The following USP54 variants were observed in gnomAD, a reference collection of about 807,000 sequenced individuals.
USP54 encodes ubiquitin carboxyl-terminal hydrolase 54.
Under a neutral mutation model 170.5 loss-of-function variants are expected in USP54, and 87 were observed. That is an observed-to-expected ratio of 0.51 (90% CI 0.43 to 0.61). The LOEUF (loss-of-function observed/expected upper bound fraction) is 0.61. USP54 is among the 20% of genes least tolerant of loss of function. USP54 has a pLI of 0.00. For missense variants in USP54, 1,786 were observed against 2,047.8 expected, an observed-to-expected ratio of 0.87 and a Z score of 2.47; for synonymous variants, 655 against 742.8, an observed-to-expected ratio of 0.88 and a Z score of 1.92.
At chr10:73,586,160 T>C (rs572870499) in intron 1 of USP54, among the ~76,000 whole-genome samples, 1 of 152,254 alleles carries the variant, frequency 6.6e-6, no homozygotes, top group African/African-American at 2.4e-5. Flanking sequence ...TCATCCATTA[T>C]GTGCCTCTCA....
At chr10:73,584,708 T>C (rs2077283026) in intron 1 of USP54, among the ~76,000 whole-genome samples, 1 of 152,176 alleles carries the variant, frequency 6.6e-6, no homozygotes, top group Non-Finnish European at 1.5e-5. Flanking sequence ...TTCCTTAAAA[T>C]AGGGGTTTAA....
intron 1 of USP54, among the ~76,000 whole-genome samples, chr10:73,580,686 C>T (rs1366929636): frequency 1.3e-5 from 2 of 152,150 alleles, no homozygotes; most frequent in African/African-American, 4.8e-5. Context: ...GATTTTCCTG[C>T]CTCAGCCTCC....
At chr10:73,571,820 G>A (rs1356009531) in intron 3 of USP54, among the ~76,000 whole-genome samples, 1 of 152,080 alleles carries the variant, frequency 6.6e-6, no homozygotes, top group African/African-American at 2.4e-5. Context: ...TGAAGAATAA[G>A]GATTTATATT....
intron 1 of USP54, among the ~76,000 whole-genome samples, chr10:73,578,155 T>TAAAGCAGTA (rs1439948083): frequency 6.6e-6 from 1 of 152,086 alleles, no homozygotes; most frequent in Admixed American, 6.6e-5. Context: ...TTATGTAGGG[T>TAAAGCAGTA]AAAGCAGTAA....
At position 73,599,049 on chromosome 10, in the gene USP54, A is replaced by C. The variant is rs543331528; in HGVS notation, c.-17-23374T>G. On this transcript the variant is annotated intron_variant, in intron 1 of 22. Transcript: ENST00000339859. Reference sequence around the variant, plus strand: ...AGCCGAGATCACGCCACTGCATTCCAGCCTGGGCAACAGAGCAAGACTCCG... The same window carrying C: ...AGCCGAGATCACGCCACTGCATTCCCGCCTGGGCAACAGAGCAAGACTCCG... Among the ~76,000 whole-genome samples the C allele has an allele frequency of 2.4e-4, 37 of 152,364 alleles. 2 individuals carry two copies. In the South Asian group the frequency reaches 7.7e-3, roughly 32 times the overall value.
intron 22 of USP54, 39 bp downstream of exon 22, chr10:73,504,811 G>A (rs371198485): frequency 2.5e-6 from 4 of 1,613,824 alleles, no homozygotes; most frequent in African/African-American, 2.7e-5. Context: ...TTAGCAAGGA[G>A]GAGGGTGCTC....
At chr10:73,583,563 G>A (rs2077132532) in intron 1 of USP54, among the ~76,000 whole-genome samples, 1 of 152,174 alleles carries the variant, frequency 6.6e-6, no homozygotes, top group South Asian at 2.1e-4. Flanking sequence ...TGGGATTACA[G>A]GCGTGAGCCA....
At chr10:73,585,196 A>C (rs1298453994) in intron 1 of USP54, among the ~76,000 whole-genome samples, 1 of 152,166 alleles carries the variant, frequency 6.6e-6, no homozygotes, top group Non-Finnish European at 1.5e-5. Flanking sequence ...AACTTGAACA[A>C]ATAGTAGCAA....
At chr10:73,511,220 G>A (rs1044237247) in intron 20 of USP54, among the ~76,000 whole-genome samples, 4 of 149,532 alleles carry the variant, frequency 2.7e-5, no homozygotes, top group African/African-American at 9.9e-5. Context: ...CACCTCAAAT[G>A]AAAACACTTT....
upstream of USP54, among the ~76,000 whole-genome samples, chr10:73,592,836 A>G (rs1227308199): frequency 1.3e-5 from 2 of 152,164 alleles, no homozygotes; most frequent in Admixed American, 1.3e-4. Flanking sequence ...ATAGATTGTA[A>G]TCTCTCCAGA....
At chr10:73,564,470 T>C (rs137897137) in intron 4 of USP54, among the ~76,000 whole-genome samples, 1 of 152,354 alleles carries the variant, frequency 6.6e-6, no homozygotes, top group Non-Finnish European at 1.5e-5. Context: ...ATTTCTGAAC[T>C]ACAAATTTTG....
At chr10:73,528,989 A>C (rs991323492) in intron 15 of USP54, 2 of 152,168 alleles carry the variant, frequency 1.3e-5, no homozygotes, top group African/African-American at 4.8e-5. Context: ...ATGCAGTACA[A>C]TTTTATTAAT....
upstream of USP54, among the ~76,000 whole-genome samples, chr10:73,592,372 TAACA>T (rs2078335047): frequency 6.7e-6 from 1 of 148,270 alleles, no homozygotes; most frequent in Admixed American, 6.9e-5. Flanking sequence ...TGGTAAAATT[TAACA>T]AACATGGGCA....
At chr10:73,612,781 A>G (rs184435634) in intron 1 of USP54, among the ~76,000 whole-genome samples, 1 of 151,232 alleles carries the variant, frequency 6.6e-6, no homozygotes, top group East Asian at 1.9e-4. Flanking sequence ...TGGAGGTTGC[A>G]ATGAGCAGAG....
At chr10:73,567,508 TAAAAATACA>T (rs1339821828) in intron 4 of USP54, among the ~76,000 whole-genome samples, 1 of 151,984 alleles carries the variant, frequency 6.6e-6, no homozygotes, top group Non-Finnish European at 1.5e-5. Context: ...CTAGCTCTAC[TAAAAATACA>T]AAAAATTAGC....
At chr10:73,563,297 G>C (rs377023550) in intron 4 of USP54, among the ~76,000 whole-genome samples, 1 of 151,550 alleles carries the variant, frequency 6.6e-6, no homozygotes, top group Non-Finnish European at 1.5e-5. Flanking sequence ...CAACCTGAAG[G>C]GTATGGCTCA....
At chr10:73,624,198 A>ATATATATATTTT (rs1554955712) in intron 1 of USP54, among the ~76,000 whole-genome samples, 1 of 102,494 alleles carries the variant, frequency 9.8e-6, no homozygotes, top group Non-Finnish European at 1.9e-5. Context: ...ATATATATGT[A>ATATATATATTTT]TTTTTTTTTT....
chr10:73,614,123 GC>G (rs1457499072), intron 1 of USP54: 2 of 142,314 alleles, frequency 1.4e-5, no homozygotes, highest in Admixed American at 1.3e-4. Context: ...GATCATTTGA[GC>G]CCGGGAGGTC....
chr10:73,578,260 A>G (rs1460724610), intron 1 of USP54, among the ~76,000 whole-genome samples: 2 of 152,212 alleles, frequency 1.3e-5, no homozygotes, highest in Non-Finnish European at 2.9e-5. Context: ...GAGAAATACT[A>G]ACACCAAAAA....
Sources: allele counts gnomAD v4.1 joint callset (sites outside exome capture counted in the v4.1 genomes callset), GRCh38; gene constraint gnomAD v4.1.1; transcripts MANE v1.5; gene names NCBI Gene and HGNC (gene_info 2026-07-23, HGNC 2026-07-21).